MICAL1: variants seen among roughly 807,000 people sequenced by gnomAD.
MICAL1 encodes microtubule associated monooxygenase, calponin and LIM domain containing 1, also known as [F-actin]-monooxygenase MICAL1.
In MICAL1, 95 loss-of-function variants were observed where a neutral mutation model predicts 131.8. The ratio of observed to expected loss-of-function variants is 0.72; its 90% CI spans 0.61 to 0.86. MICAL1 has a LOEUF of 0.86. MICAL1 is among the 40% of genes least tolerant of loss of function. The probability of loss-of-function intolerance (pLI) is 0.00; values close to 1 mark genes in which losing one functional copy is unlikely to be tolerated. For synonymous variants in MICAL1, 546 were observed against 554.2 expected (o/e 0.99, Z 0.21); for missense variants, 1,292 against 1,380.6 (o/e 0.94, Z 1.02).
intron 1 of MICAL1, chr6:109,465,358 C>T (rs1171923439): frequency 2.5e-6 from 1 of 399,250 alleles, no homozygotes; most frequent in Non-Finnish European, 4.5e-6. Flanking sequence ...ATTCCCCATA[C>T]ATTGTGATCT....
At chr6:109,456,146 C>CG, upstream of MICAL1, among the ~76,000 whole-genome samples, 1 of 152,142 alleles carries the variant, frequency 6.6e-6, no homozygotes. Flanking sequence ...GGCTCCTTGC[C>CG]GGTGCTTGCG....
At chr6:109,459,074 G>A (rs1007106727), upstream of MICAL1, among the ~76,000 whole-genome samples, 1 of 152,174 alleles carries the variant, frequency 6.6e-6, no homozygotes, top group Non-Finnish European at 1.5e-5. Flanking sequence ...AGCTGGGTAT[G>A]TTTGGGGAAC....
chr6:109,445,596 A>T, intron 20 of MICAL1, 67 bp from the exon 21 acceptor site: 1 of 1,585,870 alleles, frequency 6.3e-7, no homozygotes, highest in Non-Finnish European at 8.6e-7. Context: ...TGTTGTTTGG[A>T]AAGGCAGAAA....
chr6:109,447,319 C>T, intron 16 of MICAL1, 38 bp downstream of exon 16: 1 of 1,613,270 alleles, frequency 6.2e-7, no homozygotes, highest in Non-Finnish European at 8.5e-7. Context: ...GCCCTGCCCT[C>T]CCCGGGCCTC....
chr6:109,458,039 TCCAAA>T (rs1210290233), upstream of MICAL1, among the ~76,000 whole-genome samples: 1 of 150,734 alleles, frequency 6.6e-6, no homozygotes, highest in East Asian at 2.0e-4. Context: ...CCATTTCTAC[TCCAAA>T]ATCCTATCAT....
intron 1 of MICAL1, 82 bp from the exon 2 acceptor site, chr6:109,454,321 T>G (rs1582654598): frequency 4.5e-6 from 6 of 1,344,958 alleles, no homozygotes; most frequent in Non-Finnish European, 5.0e-6. Context: ...AGCAGGCTGG[T>G]GTCCCCAGGG....
upstream of MICAL1, among the ~76,000 whole-genome samples, chr6:109,457,551 ATCCAGAGACCATAAGAG>A: frequency 6.8e-6 from 1 of 147,832 alleles, no homozygotes; most frequent in South Asian, 2.1e-4. Context: ...ACCATAAGAG[ATCCAGAGACCATAAGAG>A]ATCCCGAGAC....
At chr6:109,446,048 C>A in intron 19 of MICAL1, 88 bp downstream of exon 19, 1 of 1,489,194 alleles carries the variant, frequency 6.7e-7, no homozygotes, top group East Asian at 2.3e-5. Context: ...CCACAACTTC[C>A]CTCTGTATTC....
intron 1 of MICAL1, chr6:109,464,511 A>C (rs937195824): frequency 6.6e-6 from 1 of 152,234 alleles, no homozygotes; most frequent in Non-Finnish European, 1.5e-5. Flanking sequence ...CTTACATGAA[A>C]GTGGTAAAAG....
At chr6:109,446,985 C>G in intron 17 of MICAL1, 88 bp downstream of exon 17, 1 of 1,506,906 alleles carries the variant, frequency 6.6e-7, no homozygotes, top group South Asian at 1.2e-5. Flanking sequence ...GAGCCTGTTT[C>G]CATCCTGTGC....
chr6:109,455,591 T>C lies in MICAL1; in HGVS notation c.-44+128A>G. 3.2e-6 allele frequency: 2 copies of C among 616,478 alleles called. No individual in the cohort carries two copies. Among genetic ancestry groups the C allele is most frequent in the Non-Finnish European group, 4.1e-6 (2 of 492,056 alleles). The allele number at this position is 616,478 out of a possible 1,614,324, so 38.2% of individuals were successfully genotyped here. A position where few individuals can be genotyped will look rare whatever the true frequency, so the allele number is the denominator to read the frequency against. On this transcript the variant is annotated intron_variant, in intron 1 of 24. Transcript: ENST00000358807. This position sits in a 1 kb window ranked among gnomAD's most constrained non-coding sequence, Gnocchi z 4.7. ...GGACGCGGCGTGAGCAGGGCTGGGC[T>C]GAGGGAAGACCTGCCTGACCTGCCA...
intron 13 of MICAL1, 44 bp downstream of exon 13, chr6:109,448,158 CA>C: frequency 6.3e-7 from 1 of 1,585,954 alleles, no homozygotes; most frequent in South Asian, 1.1e-5. Context: ...CACACACACA[CA>C]CCTCCCCATC....
exon 1 of MICAL1, chr6:109,465,964 C>A: frequency 1.9e-6 from 3 of 1,614,220 alleles, no homozygotes; most frequent in Non-Finnish European, 2.5e-6. Flanking sequence ...GTACTTGTAG[C>A]TAAATGGAGC....
intron 1 of MICAL1, among the ~76,000 whole-genome samples, chr6:109,462,232 C>T (rs931240128): frequency 2.0e-5 from 3 of 152,142 alleles, no homozygotes; most frequent in South Asian, 2.1e-4. Flanking sequence ...CAGGGGAAGA[C>T]AACTAGAAGG....
At chr6:109,447,250 C>T in intron 16 of MICAL1, 21 bp from the exon 17 acceptor site, 2 of 1,613,964 alleles carry the variant, frequency 1.2e-6, no homozygotes, top group South Asian at 2.2e-5. Flanking sequence ...CCCCAGGACA[C>T]AGGGTCAGGT....
upstream of MICAL1, chr6:109,455,973 G>C (rs1425620357): frequency 2.0e-6 from 2 of 985,448 alleles, no homozygotes; most frequent in East Asian, 1.1e-4. The surrounding 1 kb of genome is among the most constrained non-coding windows in gnomAD (Gnocchi z 4.7). Context: ...CGCCTCCAGC[G>C]GGGACAGTCT....
rs1177630036 is a variant in MICAL1, at chr6:109,452,356, G to C, written c.722C>G (p.Thr241Arg). The change falls in exon 6 of 25, where the codon ACA (threonine) becomes AGA (arginine). Residue 241 changes from threonine (T) to arginine (R), a missense_variant. Thr to Arg is a moderately conservative substitution (Grantham distance 71). Coordinates refer to ENST00000358807, the MANE Select transcript of MICAL1 (RefSeq NM_022765.4). Reference protein sequence around the residue: ...EMRGKLAIGITANFVNGRTVE... With the variant: ...EMRGKLAIGIRANFVNGRTVE... ...GGTGCGTCCATTCACAAAGTTGGCT[G>C]TGATGCCAATGGCCAGTTTGCCTCG... 6.2e-7 allele frequency: 1 copy of C among 1,614,236 alleles called. No individual in the cohort carries two copies. Among genetic ancestry groups the C allele is most frequent in the Admixed American group, 1.7e-5 (1 of 60,036 alleles).
At chr6:109,452,094 T>C (rs972756538) in intron 6 of MICAL1, 152 bp downstream of exon 6, 3 of 1,436,414 alleles carry the variant, frequency 2.1e-6, no homozygotes, top group Admixed American at 5.8e-5. Context: ...GCTTAATCCC[T>C]GAGGGGACAG....
chr6:109,457,700 GGGGTCTGGCTT>G (rs1775791347), upstream of MICAL1, among the ~76,000 whole-genome samples: 1 of 152,176 alleles, frequency 6.6e-6, no homozygotes, highest in Non-Finnish European at 1.5e-5. Flanking sequence ...AAGGCTTAGT[GGGGTCTGGCTT>G]GACTCAATGC....
Sources: allele counts gnomAD v4.1 joint callset (sites outside exome capture counted in the v4.1 genomes callset), GRCh38; gene constraint gnomAD v4.1.1; non-coding constraint Gnocchi (gnomAD v3.1); transcripts MANE v1.5; gene names NCBI Gene and HGNC (gene_info 2026-07-23, HGNC 2026-07-21).